Variants in USP20 observed in about 807,000 individuals in gnomAD.
USP20 encodes ubiquitin carboxyl-terminal hydrolase 20.
A neutral mutation model predicts 124.2 loss-of-function variants in USP20; 80 were observed. The ratio of observed to expected loss-of-function variants is 0.64; its 90% CI spans 0.54 to 0.78. USP20 has a LOEUF of 0.78. Among genes scored for constraint, USP20 ranks in the 30% least tolerant of loss-of-function variants. USP20 has a pLI of 0.00. For missense variants in USP20, 1,043 were observed against 1,244.4 expected, an observed-to-expected ratio of 0.84 and a Z score of 2.44; for synonymous variants, 481 against 512.3, an observed-to-expected ratio of 0.94 and a Z score of 0.83.
Position 129,868,403 on chromosome 9 carries a change from G to C in USP20, c.1089G>C (p.Glu363Asp). ...AMAALDDQPA[E>D]AQPPSPRSSS... ...CTGCCCTTGACGACCAGCCCGCGGA[G>C]GCCCAGCCCCCGTCACCACGGTCCT... The change falls in exon 11 of 26, where the codon GAG (glutamate) becomes GAC (aspartate). Residue 363 changes from glutamate (E) to aspartate (D), a missense_variant. Coordinates refer to ENST00000372429, the MANE Select transcript of USP20 (RefSeq NM_001110303.4). The C allele has an allele frequency of 6.2e-6, 10 of 1,612,156 alleles. No homozygotes were observed. The highest frequency in any genetic ancestry group is 1.1e-5 in the South Asian group (1 of 91,066).
chr9:129,869,460 G>T, intron 13 of USP20, 35 bp downstream of exon 13: 3 of 1,601,128 alleles, frequency 1.9e-6, no homozygotes, highest in African/African-American at 1.3e-5. Context: ...GCTGGGCCAG[G>T]CTGCCAGTGG....
rs556526276 is a variant in USP20, at chr9:129,842,910, A to G, written c.-128-6903A>G. 3.3e-5 allele frequency among the ~76,000 whole-genome samples: 5 copies of G among 152,160 alleles called. No individual in the cohort carries two copies. In the South Asian group the frequency reaches 1.0e-3, roughly 32 times the overall value. The stretch of plus-strand genomic sequence containing the variant: ...ACCTGGCCCTTTGTGTGGAATATTA[A>G]GCACCCAGTGTTTTCTGTACTACCG... On this transcript the variant is annotated intron_variant, in intron 1 of 25. Transcript: ENST00000372429.
intron 10 of USP20, 50 bp from the exon 11 acceptor site, chr9:129,867,955 G>C: frequency 6.4e-7 from 1 of 1,566,890 alleles, no homozygotes; most frequent in Non-Finnish European, 8.6e-7. Flanking sequence ...GCTGGAGACT[G>C]GTTCCTCCTG....
chr9:129,868,516 C>T, intron 11 of USP20, 67 bp downstream of exon 11: 7 of 1,521,292 alleles, frequency 4.6e-6, no homozygotes, highest in East Asian at 4.7e-5. Flanking sequence ...GGGTGCTGAG[C>T]GCCGACCTGC....
intron 1 of USP20, among the ~76,000 whole-genome samples, chr9:129,836,625 C>G (rs1314019931): frequency 6.6e-6 from 1 of 152,210 alleles, no homozygotes; most frequent in Non-Finnish European, 1.5e-5. Context: ...GGCAGCATTT[C>G]TAGAATGCCT....
At chr9:129,854,281 A>T (rs993298955) in intron 3 of USP20, among the ~76,000 whole-genome samples, 2 of 152,226 alleles carry the variant, frequency 1.3e-5, no homozygotes, top group Admixed American at 1.3e-4. Context: ...ATCACCAGTT[A>T]TAAACATATG....
At chr9:129,836,306 A>G (rs1052975527) in intron 1 of USP20, among the ~76,000 whole-genome samples, 5 of 152,198 alleles carry the variant, frequency 3.3e-5, no homozygotes, top group Non-Finnish European at 7.3e-5. Context: ...ACTATGTGGC[A>G]GGCCCTGGGC....
rs1283154208 is a variant in USP20, at chr9:129,840,164, C to A, written c.-129+4665C>A. 6.6e-5 allele frequency among the ~76,000 whole-genome samples: 10 copies of A among 152,228 alleles called. 1 individual carries two copies. The stretch of plus-strand genomic sequence containing the variant: ...CTCTGCGTGGCTGCACCTGGAAGCA[C>A]GTTCTTTCAGCTGCACAGGTGTCTT... On this transcript the variant is annotated intron_variant, in intron 1 of 25. Transcript: ENST00000372429.
Position 129,868,159 on chromosome 9 carries a change from A to C in USP20, c.845A>C (p.Glu282Ala). Reference protein sequence around the residue: ...REGDRSPSEDEFLSCDSSSDR... With the variant: ...REGDRSPSEDAFLSCDSSSDR... ...GGTGACCGGAGCCCATCAGAAGATG[A>C]GTTCTTGTCCTGTGACTCGAGCAGT... Residue 282 changes from glutamate to alanine, a missense_variant, in exon 11 of 26, where the codon GAG (glutamate) becomes GCG (alanine). Physicochemically the swap from Glu to Ala is moderately radical, Grantham distance 107. Transcript: ENST00000372429. The C allele has an allele frequency of 1.2e-6, 2 of 1,614,064 alleles. No homozygotes were observed. Among genetic ancestry groups the C allele is most frequent in the Non-Finnish European group, 1.7e-6 (2 of 1,179,982 alleles).
intron 1 of USP20, among the ~76,000 whole-genome samples, chr9:129,844,389 G>T (rs1016778522): frequency 1.3e-5 from 2 of 152,006 alleles, no homozygotes; most frequent in Non-Finnish European, 2.9e-5. Context: ...ACTTTGGGAG[G>T]CCCAGGCAGA....
intron 1 of USP20, among the ~76,000 whole-genome samples, chr9:129,841,569 A>G (rs908471350): frequency 1.2e-4 from 19 of 152,084 alleles, no homozygotes; most frequent in African/African-American, 4.6e-4. Flanking sequence ...TTGACCCACA[A>G]TCCAGCTTTG....
intron 4 of USP20, among the ~76,000 whole-genome samples, chr9:129,857,731 A>G (rs909850256): frequency 5.3e-5 from 8 of 152,272 alleles, no homozygotes; most frequent in Admixed American, 5.2e-4. Context: ...GTTTTTGTGG[A>G]GGGAGAGGGT....
Position 129,870,486 on chromosome 9 carries a change from G to C in USP20, c.1599G>C (p.Trp533Cys). 1 of 1,614,132 alleles carries C rather than the reference G, an allele frequency of 6.2e-7. No homozygotes were observed. Among genetic ancestry groups the C allele is most frequent in the Non-Finnish European group, 8.5e-7 (1 of 1,180,020 alleles). The stretch of plus-strand genomic sequence containing the variant: ...TATCCTGTACCCCCAGCTGGTTTTG[G>C]GGGCCTGTCGTCACCCTGGAAGACT... ...FVVSCTPSWF[W>C]GPVVTLEDCL... The change falls in exon 15 of 26, where the codon TGG becomes TGC. Residue 533 changes from tryptophan (W) to cysteine (C), a missense_variant. Transcript: ENST00000372429.
At chr9:129,873,770 C>A in intron 17 of USP20, 26 bp downstream of exon 17, 2 of 1,609,020 alleles carry the variant, frequency 1.2e-6, no homozygotes. Context: ...CGGCAGCCTC[C>A]TCCTCAGCTA....
intron 4 of USP20, among the ~76,000 whole-genome samples, chr9:129,856,836 C>A (rs969866603): frequency 1.3e-5 from 2 of 152,110 alleles, no homozygotes; most frequent in African/African-American, 4.8e-5. Context: ...AAGACGGATG[C>A]CTGTGACTGG....
In USP20 at chr9:129,868,990, G is replaced by A. The variant is rs376045263; in HGVS notation, c.1264G>A (p.Val422Met). 3.1e-5 allele frequency: 50 copies of A among 1,609,820 alleles called. No individual in the cohort carries two copies. The highest frequency in any genetic ancestry group is 1.1e-4 in the African/African-American group (8 of 74,804). ...CCCCGTGAGGATGGCACCGTCGTAC[G>A]TGCTCAAGAAAGGTTCGGGGGGCAC... The part of the protein sequence containing the change: ...ASPVRMAPSY[V>M]LKKAQVLSAG... Residue 422 changes from valine (V) to methionine (M), a missense_variant, in exon 12 of 26, where the codon GTG becomes ATG. Physicochemically the swap from Val to Met is conservative, Grantham distance 21. Transcript: ENST00000372429.
chr9:129,862,788 C>T (rs943264828), intron 8 of USP20, among the ~76,000 whole-genome samples: 11 of 151,788 alleles, frequency 7.2e-5, no homozygotes, highest in Middle Eastern at 3.4e-3. Context: ...TGCCTGTAAT[C>T]CCAGCTACTC....
intron 10 of USP20, among the ~76,000 whole-genome samples, chr9:129,867,552 C>T (rs2033878936): frequency 6.6e-6 from 1 of 152,016 alleles, no homozygotes; most frequent in Non-Finnish European, 1.5e-5. Flanking sequence ...GGGCAGGACT[C>T]GGGTGAGTCC....
At chr9:129,870,143 C>T (rs2034043635) in intron 14 of USP20, 1 of 562,658 alleles carries the variant, frequency 1.8e-6, no homozygotes, top group African/African-American at 1.9e-5. Context: ...GCGGGAAGGG[C>T]AGCAGCTTTC....
Sources: allele counts gnomAD v4.1 joint callset (sites outside exome capture counted in the v4.1 genomes callset), GRCh38; gene constraint gnomAD v4.1.1; transcripts MANE v1.5; gene names NCBI Gene and HGNC (gene_info 2026-07-23, HGNC 2026-07-21).